The following RAB33B variants were observed in gnomAD, a reference collection of about 807,000 sequenced individuals.
RAB33B encodes RAB33B, member RAS oncogene family, also known as ras-related protein Rab-33B.
A neutral mutation model predicts 15.0 loss-of-function variants in RAB33B; 6 were observed. The observed-to-expected ratio is 0.40, with a 90% CI of 0.22 to 0.79. The LOEUF (loss-of-function observed/expected upper bound fraction) is 0.79. Ranked by LOEUF, RAB33B falls within the 30% of genes least tolerant of loss-of-function variation. RAB33B has a pLI of 0.37. For synonymous variants in RAB33B, 117 were observed against 108.3 expected, an observed-to-expected ratio of 1.08 and a Z score of -0.50; for missense variants, 257 against 296.4, an observed-to-expected ratio of 0.87 and a Z score of 0.98.
chr4:139,465,566 A>G (rs879662864), intron 1 of RAB33B, among the ~76,000 whole-genome samples: 51 of 152,262 alleles, frequency 3.3e-4, no homozygotes, highest in Admixed American at 2.9e-3. Flanking sequence ...TAATTTTTGT[A>G]TAAGGTGTAA....
intron 1 of RAB33B, among the ~76,000 whole-genome samples, chr4:139,463,848 A>G (rs1326822544): frequency 6.6e-6 from 1 of 152,178 alleles, no homozygotes; most frequent in Non-Finnish European, 1.5e-5. Context: ...CCTGGAAGGC[A>G]GCAGGCAGCA....
rs1271433075 is a variant in RAB33B, at chr4:139,476,212, G to C, written c.*3086G>C. ...GCAAAAAGCAAATGGTGCAAGAGGA[G>C]TTGATGTGTATTTAGACGTAAAAGC... is the stretch of plus-strand genomic sequence containing the variant. On this transcript the variant is annotated 3_prime_UTR_variant, in exon 2 of 2. Coordinates refer to ENST00000305626, the MANE Select transcript of RAB33B (RefSeq NM_031296.3). 2.0e-5 allele frequency: 3 copies of C among 152,222 alleles called. No homozygotes were observed. The highest frequency in any genetic ancestry group is 7.2e-5 in the African/African-American group (3 of 41,460). 9.4% of individuals were successfully genotyped at this position (152,222 alleles called of 1,614,324 possible). A position where few individuals can be genotyped will look rare whatever the true frequency, so the allele number is the denominator to read the frequency against.
At chr4:139,444,594 G>A in the RAB33B span, among the ~76,000 whole-genome samples, 1 of 152,140 alleles carries the variant, frequency 6.6e-6, no homozygotes, top group South Asian at 2.1e-4. Context: ...AGGGACTACT[G>A]GACACTGGCT....
At chr4:139,457,874 C>T (rs1005370593) in intron 1 of RAB33B, among the ~76,000 whole-genome samples, 5 of 152,184 alleles carry the variant, frequency 3.3e-5, no homozygotes, top group African/African-American at 1.2e-4. Flanking sequence ...ACTCTCACCC[C>T]TCTCTTTGCT....
chr4:139,460,042 G>C (rs1390740861), intron 1 of RAB33B, among the ~76,000 whole-genome samples: 1 of 152,082 alleles, frequency 6.6e-6, no homozygotes. Context: ...AGGTGATAAG[G>C]GAAAATAAAG....
chr4:139,460,452 T>G (rs1313684293), intron 1 of RAB33B, among the ~76,000 whole-genome samples: 1 of 152,230 alleles, frequency 6.6e-6, no homozygotes, highest in Non-Finnish European at 1.5e-5. Flanking sequence ...GAATGCTGTG[T>G]AAATATAAAA....
At chr4:139,456,032 A>G (rs980792050) in intron 1 of RAB33B, among the ~76,000 whole-genome samples, 8 of 152,192 alleles carry the variant, frequency 5.3e-5, no homozygotes, top group African/African-American at 1.7e-4. Context: ...AACCTCTCAG[A>G]GTCTGTATTT....
chr4:139,440,498 C>T, the RAB33B span, among the ~76,000 whole-genome samples: 1 of 152,142 alleles, frequency 6.6e-6, no homozygotes. Context: ...TTTTTGCCCC[C>T]CTAGCTCCTA....
chr4:139,447,178 A>G, the RAB33B span, among the ~76,000 whole-genome samples: 2 of 152,162 alleles, frequency 1.3e-5, no homozygotes, highest in Non-Finnish European at 2.9e-5. Flanking sequence ...TGGTCTTACC[A>G]TGTTCCCCCG....
intron 1 of RAB33B, among the ~76,000 whole-genome samples, chr4:139,466,339 T>A (rs1750285079): frequency 6.6e-6 from 1 of 152,178 alleles, no homozygotes; most frequent in Non-Finnish European, 1.5e-5. Flanking sequence ...AATATTTTGG[T>A]ATATTTCCTT....
intron 1 of RAB33B, among the ~76,000 whole-genome samples, chr4:139,463,107 A>G (rs984780168): frequency 1.6e-4 from 24 of 152,250 alleles, no homozygotes; most frequent in African/African-American, 5.5e-4. Flanking sequence ...TGGAGGTTGC[A>G]GTGAGCCAAG....
chr4:139,441,056 T>C, the RAB33B span, among the ~76,000 whole-genome samples: 17 of 152,196 alleles, frequency 1.1e-4, no homozygotes, highest in East Asian at 1.9e-4. Flanking sequence ...AGTTGCTAGG[T>C]TGGCTAAGTG....
At chr4:139,462,789 C>T (rs1335188666) in intron 1 of RAB33B, among the ~76,000 whole-genome samples, 1 of 152,180 alleles carries the variant, frequency 6.6e-6, no homozygotes, top group Non-Finnish European at 1.5e-5. Flanking sequence ...TTCACTTAAA[C>T]CCTGTTAAAA....
At chr4:139,444,836 G>C in the RAB33B span, among the ~76,000 whole-genome samples, 1 of 152,174 alleles carries the variant, frequency 6.6e-6, no homozygotes, top group Non-Finnish European at 1.5e-5. Context: ...CTGACTGGTA[G>C]AGTAAGGGCT....
the RAB33B span, among the ~76,000 whole-genome samples, chr4:139,447,218 G>A: frequency 2.0e-5 from 3 of 152,162 alleles, no homozygotes; most frequent in Non-Finnish European, 4.4e-5. Context: ...ATGATAGAAC[G>A]GAATGGCCTT....
In RAB33B at chr4:139,472,829, A is replaced by G. The variant is rs1417018374; in HGVS notation, c.393A>G (p.Glu131=). 1.9e-6 allele frequency: 3 copies of G among 1,614,226 alleles called. No individual in the cohort carries two copies. The highest frequency in any genetic ancestry group is 3.3e-5 in the Admixed American group (2 of 60,022). Residue 131 remains glutamate (E), a synonymous_variant, in exon 2 of 2, where the codon GAA becomes GAG. Coordinates refer to ENST00000305626, the MANE Select transcript of RAB33B (RefSeq NM_031296.3). The part of the protein sequence containing the change: ...SFHSLPSWIE[E]CKQHLLANDI... ...ATAGCCTACCATCTTGGATAGAAGA[A>G]TGCAAACAACATTTGCTAGCCAATG...
At chr4:139,440,300 G>A in the RAB33B span, among the ~76,000 whole-genome samples, 1 of 152,092 alleles carries the variant, frequency 6.6e-6, no homozygotes, top group Non-Finnish European at 1.5e-5. Flanking sequence ...AGGGGAAAAT[G>A]AGAAAAATGA....
chr4:139,459,484 A>G (rs1242691046), intron 1 of RAB33B, among the ~76,000 whole-genome samples: 1 of 152,094 alleles, frequency 6.6e-6, no homozygotes, highest in African/African-American at 2.4e-5. Flanking sequence ...GCTTCCTTCT[A>G]TGAACTCTTT....
Position 139,474,732 on chromosome 4 carries a change from G to A in RAB33B, c.*1606G>A, listed in dbSNP as rs1298914802. On this transcript the variant is annotated 3_prime_UTR_variant, in exon 2 of 2. Transcript: ENST00000305626. Reference sequence around the variant, plus strand: ...CTAAATACTTTTATTTTGAATTTAAGTCTTTGCACATAAAATATAGCAAGC... The same window carrying A: ...CTAAATACTTTTATTTTGAATTTAAATCTTTGCACATAAAATATAGCAAGC... 1 of 152,494 alleles carries A rather than the reference G, an allele frequency of 6.6e-6. No homozygotes were observed. Among genetic ancestry groups the A allele is most frequent in the Non-Finnish European group, 1.5e-5 (1 of 67,982 alleles). The allele number at this position is 152,494 out of a possible 1,614,324, so 9.4% of individuals were successfully genotyped here.
Sources: gnomAD v4.1 joint callset for allele counts (sites outside exome capture counted in the v4.1 genomes callset) on GRCh38, gnomAD v4.1.1 for gene constraint, MANE v1.5 for transcripts, NCBI Gene and HGNC (gene_info 2026-07-23, HGNC 2026-07-21) for gene names.